Variants in GRM7 observed in about 807,000 individuals in gnomAD.
GRM7 encodes the protein metabotropic glutamate receptor 7.
Under a neutral mutation model 84.5 loss-of-function variants are expected in GRM7, and 35 were observed. The observed-to-expected ratio is 0.41, with a 90% CI of 0.32 to 0.55. The LOEUF (loss-of-function observed/expected upper bound fraction) is 0.55, where lower values mean the gene tolerates loss of function less well. GRM7 is among the 20% of genes least tolerant of loss of function. The pLI is 0.19. For synonymous variants in GRM7, 487 were observed against 455.1 expected (o/e 1.07, Z -0.89); for missense variants, 1,003 against 1,194.6 (o/e 0.84, Z 2.36).
At chr3:6,890,038 C>A (rs976455977) in intron 1 of GRM7, among the ~76,000 whole-genome samples, 1 of 152,110 alleles carries the variant, frequency 6.6e-6, no homozygotes, top group Non-Finnish European at 1.5e-5. Flanking sequence ...TTGTAGTATT[C>A]TCTGATGGTA....
intron 4 of GRM7, among the ~76,000 whole-genome samples, chr3:7,317,963 A>G (rs1700640905): frequency 6.6e-6 from 1 of 152,096 alleles, no homozygotes; most frequent in Admixed American, 6.6e-5. Context: ...AATGAATGGC[A>G]TTATTAGAGG....
chr3:7,019,985 T>G (rs1307042997), intron 1 of GRM7, among the ~76,000 whole-genome samples: 2 of 152,158 alleles, frequency 1.3e-5, no homozygotes, highest in Non-Finnish European at 2.9e-5. Flanking sequence ...AACCTGTTCA[T>G]CAAGCTACAG....
chr3:7,565,434 G>A (rs1455640599), intron 7 of GRM7, among the ~76,000 whole-genome samples: 1 of 152,180 alleles, frequency 6.6e-6, no homozygotes, highest in African/African-American at 2.4e-5. Context: ...AAAGTGCTGT[G>A]AAGAGGTATC....
chr3:7,275,857 T>C (rs574940871), intron 2 of GRM7, among the ~76,000 whole-genome samples: 1 of 152,078 alleles, frequency 6.6e-6, no homozygotes, highest in Non-Finnish European at 1.5e-5. Context: ...TGTGGGCATA[T>C]AGCAAGGCCC....
At chr3:7,704,254 A>G (rs577630737) in intron 9 of GRM7, among the ~76,000 whole-genome samples, 3 of 152,294 alleles carry the variant, frequency 2.0e-5, no homozygotes, top group South Asian at 4.1e-4. Flanking sequence ...AAAACCTAGT[A>G]TTTTCAACGT....
At chr3:7,383,891 G>A (rs780930802) in intron 4 of GRM7, among the ~76,000 whole-genome samples, 4 of 151,994 alleles carry the variant, frequency 2.6e-5, no homozygotes, top group South Asian at 2.1e-4. Context: ...CTTCAGCTTC[G>A]TGGAGTTTAC....
At chr3:7,514,740 T>G (rs1314170361) in intron 7 of GRM7, among the ~76,000 whole-genome samples, 1 of 152,158 alleles carries the variant, frequency 6.6e-6, no homozygotes, top group Non-Finnish European at 1.5e-5. Flanking sequence ...CAATGCGTGG[T>G]GCAATATAAA....
rs182289476 is a variant in GRM7 at position 7,623,615 on chromosome 3, C to A, written c.2451+44258C>A. ...GAGCTCAACCTGCCCACTTGGCTGA[C>A]TGCAGATCAGGCCAACCATCTGTCT... On this transcript the variant is annotated intron_variant, in intron 8 of 9. Transcript: ENST00000357716. Among the ~76,000 whole-genome samples, 16 of 152,228 alleles carry A rather than the reference C, an allele frequency of 1.1e-4. No individual in the cohort carries two copies. In the East Asian group the frequency reaches 2.5e-3, roughly 24 times the overall value.
At chr3:6,890,896 C>T (rs1293441631) in intron 1 of GRM7, among the ~76,000 whole-genome samples, 4 of 152,100 alleles carry the variant, frequency 2.6e-5, no homozygotes, top group Non-Finnish European at 5.9e-5. Flanking sequence ...TCAGGACTTG[C>T]TTTATGAACC....
chr3:6,902,911 GTTAGAACTTT>G (rs1175793515), intron 1 of GRM7, among the ~76,000 whole-genome samples: 1 of 151,138 alleles, frequency 6.6e-6, no homozygotes, highest in Non-Finnish European at 1.5e-5. Context: ...AATTTTAAGG[GTTAGAACTTT>G]TTATATGTTT....
intron 4 of GRM7, among the ~76,000 whole-genome samples, chr3:7,367,403 C>T (rs1261267862): frequency 1.3e-5 from 2 of 151,526 alleles, no homozygotes; most frequent in Admixed American, 6.6e-5. Flanking sequence ...GGTCTAAAAC[C>T]TAAATAAATC....
chr3:7,730,001 A>G (rs1702257518), intron 9 of GRM7, among the ~76,000 whole-genome samples: 1 of 150,976 alleles, frequency 6.6e-6, no homozygotes, highest in Admixed American at 6.6e-5. Context: ...CAGTCTCCCA[A>G]GTAGCTGGGA....
intron 1 of GRM7, among the ~76,000 whole-genome samples, chr3:7,138,475 C>T (rs6804466): frequency 0.31 from 46,291 of 151,598 alleles, 7,635 homozygotes; most frequent in African/African-American, 0.43. Flanking sequence ...ACTTTATAGG[C>T]ATACTGGTAG....
At chr3:7,403,622 G>T (rs925019188) in intron 4 of GRM7, among the ~76,000 whole-genome samples, 4 of 126,952 alleles carry the variant, frequency 3.2e-5, no homozygotes, top group African/African-American at 5.6e-5. Context: ...GAGTAATTCT[G>T]ATATATATAT....
intron 1 of GRM7, among the ~76,000 whole-genome samples, chr3:7,140,156 C>CA (rs1693901124): frequency 1.3e-5 from 2 of 151,732 alleles, no homozygotes; most frequent in South Asian, 4.1e-4. Context: ...ATATAAGAAG[C>CA]ATTGGTGAGG....
chr3:6,950,589 A>G (rs939815621), intron 1 of GRM7, among the ~76,000 whole-genome samples: 1 of 152,216 alleles, frequency 6.6e-6, no homozygotes, highest in African/African-American at 2.4e-5. Flanking sequence ...AAACTGTCAG[A>G]CAGGGACATT....
chr3:7,229,419 C>G (rs73128204), intron 2 of GRM7, among the ~76,000 whole-genome samples: 6,168 of 151,818 alleles, frequency 0.041, 433 homozygotes, highest in African/African-American at 0.14. Context: ...AGTTAAGTAA[C>G]AGGTCCAACG....
At chr3:7,519,525 A>T (rs1700513637) in intron 7 of GRM7, among the ~76,000 whole-genome samples, 1 of 152,152 alleles carries the variant, frequency 6.6e-6, no homozygotes, top group African/African-American at 2.4e-5. Flanking sequence ...ATTTATTTGC[A>T]ATTTACTGGG....
chr3:7,489,027 C>A (rs1334384812), intron 7 of GRM7, among the ~76,000 whole-genome samples: 1 of 152,060 alleles, frequency 6.6e-6, no homozygotes, highest in Non-Finnish European at 1.5e-5. Flanking sequence ...TGGTTATCTG[C>A]CCTGTGCAGG....
Sources: gnomAD v4.1 joint callset for allele counts (sites outside exome capture counted in the v4.1 genomes callset) on GRCh38, gnomAD v4.1.1 for gene constraint, MANE v1.5 for transcripts, NCBI Gene and HGNC (gene_info 2026-07-23, HGNC 2026-07-21) for gene names.